The following PPP3CA variants were observed in gnomAD, a reference collection of about 807,000 sequenced individuals.
PPP3CA encodes the protein protein phosphatase 3 catalytic subunit alpha.
In PPP3CA, 14 loss-of-function variants were observed where a neutral mutation model predicts 66.5. That is an observed-to-expected ratio of 0.21 (90% CI 0.14 to 0.33). PPP3CA has a LOEUF of 0.33. Among genes scored for constraint, PPP3CA ranks in the 10% least tolerant of loss-of-function variants. The probability of loss-of-function intolerance (pLI) is 1.00; values close to 1 mark genes in which losing one functional copy is unlikely to be tolerated. For missense variants in PPP3CA, 317 were observed against 639.5 expected (o/e 0.50, Z 5.44); for synonymous variants, 232 against 226.2 (o/e 1.03, Z -0.23).
chr4:101,115,095 C>G (rs1290903339), intron 2 of PPP3CA, among the ~76,000 whole-genome samples: 1 of 151,966 alleles, frequency 6.6e-6, no homozygotes, highest in East Asian at 1.9e-4. Context: ...CTATAGATTA[C>G]AGCAAAGTAG....
In PPP3CA at chr4:101,061,584, T is replaced by G. The variant is rs140800543; in HGVS notation, c.1082-423A>C. 2.2e-3 allele frequency among the ~76,000 whole-genome samples: 336 copies of G among 152,238 alleles called. 3 individuals carry two copies. The highest frequency in any genetic ancestry group is 7.6e-3 in the African/African-American group (315 of 41,574). On this transcript the variant is annotated intron_variant, in intron 9 of 13. Coordinates refer to ENST00000394854, the MANE Select transcript of PPP3CA (RefSeq NM_000944.5). Reference sequence around the variant, plus strand: ...TTATATTTTTAATCACCTAGAGAACTTCACGCCATTATAGGCATGTGGTTT... The same window carrying G: ...TTATATTTTTAATCACCTAGAGAACGTCACGCCATTATAGGCATGTGGTTT...
chr4:101,122,641 G>A lies in PPP3CA; in HGVS notation c.260-13563C>T, dbSNP rs527377942. ...AGCTGAAAGACCTCTAGGCAGAAAG[G>A]TGCAAATGAATCAAAATAAGTGGAT... On this transcript the variant is annotated intron_variant, in intron 2 of 13. Coordinates refer to ENST00000394854, the MANE Select transcript of PPP3CA (RefSeq NM_000944.5). Among the ~76,000 whole-genome samples, 3 of 152,254 alleles carry A rather than the reference G, an allele frequency of 2.0e-5. No homozygotes were observed. The South Asian group carries it at 6.2e-4, about 32-fold the overall frequency.
intron 3 of PPP3CA, chr4:101,108,051 A>G (rs572445123): frequency 1.3e-5 from 2 of 152,320 alleles, no homozygotes; most frequent in Non-Finnish European, 1.5e-5. Context: ...CTCTGCCTTT[A>G]TTTTGAATGT....
chr4:101,094,413 A>AT (rs1578440546), intron 5 of PPP3CA, among the ~76,000 whole-genome samples: 1 of 151,998 alleles, frequency 6.6e-6, no homozygotes, highest in Admixed American at 6.6e-5. Context: ...TGCTTATGTT[A>AT]TTTTTTTATA....
intron 2 of PPP3CA, among the ~76,000 whole-genome samples, chr4:101,195,267 C>CAAAA (rs11326830): frequency 2.3e-5 from 3 of 128,034 alleles, no homozygotes; most frequent in African/African-American, 6.0e-5. Flanking sequence ...AACTTCATCT[C>CAAAA]AAAAAAAAAA....
chr4:101,309,248 C>G (rs1387513444), intron 1 of PPP3CA, among the ~76,000 whole-genome samples: 1 of 152,184 alleles, frequency 6.6e-6, no homozygotes, highest in African/African-American at 2.4e-5. Context: ...AGAAAGGAAA[C>G]AAAACGATAC....
intron 8 of PPP3CA, among the ~76,000 whole-genome samples, chr4:101,077,116 T>C (rs984597001): frequency 8.5e-5 from 13 of 152,306 alleles, no homozygotes; most frequent in African/African-American, 3.1e-4. Context: ...TACCAAGAGA[T>C]GGAACATTTA....
intron 1 of PPP3CA, among the ~76,000 whole-genome samples, chr4:101,238,141 G>A (rs1260651737): frequency 1.3e-5 from 2 of 151,884 alleles, no homozygotes; most frequent in African/African-American, 2.4e-5. Flanking sequence ...ACCAGATCCA[G>A]ACAAACCTTC....
At chr4:101,098,343 G>C (rs1039181801) in intron 5 of PPP3CA, 24 bp downstream of exon 5, 2 of 1,581,594 alleles carry the variant, frequency 1.3e-6, no homozygotes, top group East Asian at 2.3e-5. Flanking sequence ...AAAATGATTA[G>C]ACTTGGAAAA....
At chr4:101,110,038 T>G (rs1721618446) in intron 2 of PPP3CA, among the ~76,000 whole-genome samples, 1 of 152,190 alleles carries the variant, frequency 6.6e-6, no homozygotes, top group Admixed American at 6.5e-5. Flanking sequence ...AAGCTTTTCC[T>G]GTCAGCCACC....
chr4:101,260,948 C>A (rs999232385), intron 1 of PPP3CA, among the ~76,000 whole-genome samples: 6 of 151,908 alleles, frequency 3.9e-5, no homozygotes, highest in African/African-American at 1.2e-4. Context: ...AGAAAGGATA[C>A]AAAAGAAAAG....
chr4:101,322,959 ATATG>A (rs530657202), intron 1 of PPP3CA, among the ~76,000 whole-genome samples: 1 of 152,168 alleles, frequency 6.6e-6, no homozygotes, highest in Non-Finnish European at 1.5e-5. Flanking sequence ...CTCAGCATAT[ATATG>A]TGTGTATATA....
intron 1 of PPP3CA, among the ~76,000 whole-genome samples, chr4:101,233,556 T>G (rs536786036): frequency 6.6e-6 from 1 of 151,900 alleles, no homozygotes; most frequent in East Asian, 1.9e-4. Flanking sequence ...ATAATTCACT[T>G]CTATAAGGAA....
intron 1 of PPP3CA, among the ~76,000 whole-genome samples, chr4:101,311,451 CCT>C (rs1728719952): frequency 6.6e-6 from 1 of 152,116 alleles, no homozygotes; most frequent in South Asian, 2.1e-4. Flanking sequence ...AGCCATGCTG[CCT>C]CTCTATATTG....
At chr4:101,189,709 A>AAAC in intron 2 of PPP3CA, among the ~76,000 whole-genome samples, 1 of 150,322 alleles carries the variant, frequency 6.7e-6, no homozygotes, top group African/African-American at 2.4e-5. Context: ...AAAAAACAAA[A>AAAC]CCAAAAGAAC....
intron 1 of PPP3CA, among the ~76,000 whole-genome samples, chr4:101,302,365 T>C (rs1728406346): frequency 1.3e-5 from 2 of 152,244 alleles, no homozygotes. Flanking sequence ...ACTGCGATGA[T>C]ATATTATTAC....
At chr4:101,141,822 TAATC>T (rs1722817626) in intron 2 of PPP3CA, among the ~76,000 whole-genome samples, 1 of 152,234 alleles carries the variant, frequency 6.6e-6, no homozygotes, top group South Asian at 2.1e-4. Context: ...CCTGACTTAT[TAATC>T]AGTGACTGCC....
chr4:101,165,191 A>G (rs971058394), intron 2 of PPP3CA, among the ~76,000 whole-genome samples: 17 of 152,326 alleles, frequency 1.1e-4, no homozygotes, highest in African/African-American at 4.1e-4. Flanking sequence ...GATGACTCTT[A>G]TAATAGAAAA....
intron 2 of PPP3CA, among the ~76,000 whole-genome samples, chr4:101,193,310 C>T (rs1425778085): frequency 6.6e-6 from 1 of 152,134 alleles, no homozygotes; most frequent in Non-Finnish European, 1.5e-5. Flanking sequence ...TTCAACGTTC[C>T]ATTTGTGTGT....
Sources: allele counts gnomAD v4.1 joint callset (sites outside exome capture counted in the v4.1 genomes callset), GRCh38; gene constraint gnomAD v4.1.1; transcripts MANE v1.5; gene names NCBI Gene and HGNC (gene_info 2026-07-23, HGNC 2026-07-21).